The following C5orf34 variants were observed in gnomAD, a reference collection of about 807,000 sequenced individuals.
The protein encoded by C5orf34 is uncharacterized protein C5orf34.
A neutral mutation model predicts 78.4 loss-of-function variants in C5orf34; 73 were observed. The ratio of observed to expected loss-of-function variants is 0.93; its 90% CI spans 0.77 to 1.13. The LOEUF (loss-of-function observed/expected upper bound fraction) is 1.13, where lower values mean the gene tolerates loss of function less well. Ranked by LOEUF, C5orf34 falls within the 50% of genes most tolerant of loss-of-function variation. The probability of loss-of-function intolerance (pLI) is 0.00; values close to 1 mark genes in which losing one functional copy is unlikely to be tolerated. For missense variants in C5orf34, 730 were observed against 732.7 expected (o/e 1.00, Z 0.04); for synonymous variants, 251 against 246.6 (o/e 1.02, Z -0.17).
Position 43,486,873 on chromosome 5 carries a change from A to G in C5orf34, c.*42T>C. The G allele has an allele frequency of 7.9e-7, 1 of 1,270,842 alleles. No individual in the cohort carries two copies. The highest frequency in any genetic ancestry group is 1.9e-5 in the South Asian group (1 of 52,572). The allele number at this position is 1,270,842 out of a possible 1,614,324, so 78.7% of individuals were successfully genotyped here. A position where few individuals can be genotyped will look rare whatever the true frequency, so the allele number is the denominator to read the frequency against. ...AATTTTATACCAGTCACTTGAAACAACATCCTTAAACTTTAATAATATGTT... is the reference window on the plus strand; with the variant it reads ...AATTTTATACCAGTCACTTGAAACAGCATCCTTAAACTTTAATAATATGTT... On this transcript the variant is annotated 3_prime_UTR_variant, in exon 13 of 13. Coordinates refer to ENST00000306862, the MANE Select transcript of C5orf34 (RefSeq NM_198566.4).
In C5orf34 at chr5:43,490,687, C is replaced by CA. The variant is rs1745246592; in HGVS notation, c.1622_1623insT (p.Gln541HisfsTer3). On this transcript the variant is annotated frameshift_variant, in exon 11 of 13. Transcript: ENST00000306862. LOFTEE classifies it high-confidence loss of function. ...GAGTGGGCATCTCTCTGGGACTAGT[C>CA]TGGGTCAGTCTCCTGCACCATGATG... is the stretch of plus-strand genomic sequence containing the variant. 4.3e-6 allele frequency: 7 copies of CA among 1,610,874 alleles called. No individual in the cohort carries two copies. The highest frequency in any genetic ancestry group is 5.9e-6 in the Non-Finnish European group (7 of 1,177,518).
intron 6 of C5orf34, 150 bp from the exon 7 acceptor site, chr5:43,494,751 G>T (rs1745426609): frequency 3.9e-6 from 2 of 511,396 alleles, no homozygotes; most frequent in African/African-American, 3.9e-5. Context: ...GGTATTTTAT[G>T]ATGCTTTTTC....
intron 4 of C5orf34, among the ~76,000 whole-genome samples, chr5:43,504,544 G>T (rs1390377380): frequency 6.6e-6 from 1 of 152,174 alleles, no homozygotes. Flanking sequence ...ACCTGGAAAT[G>T]AGCATAATTT....
In C5orf34 at chr5:43,505,004, A is replaced by G. The variant is rs533346689; in HGVS notation, c.932+744T>C. ...TTTCCTCAAGTTATTTAACATTTCT[A>G]TGTCGCAAGTTCCTCTACATATAGG... On this transcript the variant is annotated intron_variant, in intron 4 of 12. Coordinates refer to ENST00000306862, the MANE Select transcript of C5orf34 (RefSeq NM_198566.4). Among the ~76,000 whole-genome samples the G allele has an allele frequency of 2.6e-5, 4 of 152,274 alleles. No individual in the cohort carries two copies. In the East Asian group the frequency reaches 7.7e-4, roughly 29 times the overall value.
At chr5:43,491,184 A>T (rs1033307071) in intron 10 of C5orf34, among the ~76,000 whole-genome samples, 3 of 152,232 alleles carry the variant, frequency 2.0e-5, no homozygotes, top group Non-Finnish European at 2.9e-5. Flanking sequence ...GTGTAATTAT[A>T]TGTAACTTAC....
intron 1 of C5orf34, among the ~76,000 whole-genome samples, chr5:43,511,646 A>G (rs1746265821): frequency 6.6e-6 from 1 of 152,262 alleles, no homozygotes; most frequent in Admixed American, 6.5e-5. Flanking sequence ...CCGTGTAGAA[A>G]GAAGTAGACA....
chr5:43,496,668 C>G lies in C5orf34; in HGVS notation c.1153-2067G>C, dbSNP rs370781397. 3.7e-4 allele frequency among the ~76,000 whole-genome samples: 55 copies of G among 146,886 alleles called. 1 individual carries two copies. In the East Asian group the frequency reaches 7.2e-3, roughly 19 times the overall value. On this transcript the variant is annotated intron_variant, in intron 6 of 12. Transcript: ENST00000306862. ...ACAGTGGCGCAATTACAGCTCACTG[C>G]AGCCTCTGTGGCTCAAGGAGTCTTC...
chr5:43,510,897 C>T (rs1337205255), intron 1 of C5orf34, among the ~76,000 whole-genome samples: 6 of 152,120 alleles, frequency 3.9e-5, no homozygotes, highest in Admixed American at 1.3e-4. Flanking sequence ...TCTGCCTGGC[C>T]GCCCATCATC....
intron 1 of C5orf34, chr5:43,511,013 C>T (rs370158623): frequency 0.39 from 74,311 of 189,520 alleles, 11,842 homozygotes; most frequent in African/African-American, 0.53. Flanking sequence ...TCTGCCCGGC[C>T]GCCCATCGTC....
At position 43,505,832 on chromosome 5, in the gene C5orf34, G is replaced by A. The variant is rs949304933; in HGVS notation, c.848C>T (p.Ser283Phe). The change falls in exon 4 of 13, where the codon TCT (serine) becomes TTT (phenylalanine). Residue 283 changes from serine to phenylalanine, a missense_variant. Ser to Phe is a radical substitution (Grantham distance 155). Coordinates refer to ENST00000306862, the MANE Select transcript of C5orf34 (RefSeq NM_198566.4). ...AHITQSRFLT[S>F]DISEERGKVV... is the part of the protein sequence containing the mutation. ...TTTTCCTCTTTCCTCTGAAATATCA[G>A]AAGTTAAAAATCTACTCTGAGTTAT... The A allele has an allele frequency of 3.7e-6, 6 of 1,613,038 alleles. No homozygotes were observed. The Admixed American group carries it at 6.7e-5, about 18-fold the overall frequency.
rs371230836 is a variant in C5orf34 at position 43,505,444 on chromosome 5, G to A, written c.932+304C>T. 6.5e-5 allele frequency: 18 copies of A among 278,532 alleles called. No individual in the cohort carries two copies. In the East Asian group the frequency reaches 1.1e-3, roughly 17 times the overall value. 17.3% of individuals were successfully genotyped at this position (278,532 alleles called of 1,614,324 possible). A position where few individuals can be genotyped will look rare whatever the true frequency, so the allele number is the denominator to read the frequency against. On this transcript the variant is annotated intron_variant, in intron 4 of 12. Transcript: ENST00000306862. ...TTAGCATACTTTAATAATCTTTTTAGGTACAGTGACCTTCACTAGATTCTA... is the reference window on the plus strand; with the variant it reads ...TTAGCATACTTTAATAATCTTTTTAAGTACAGTGACCTTCACTAGATTCTA...
At chr5:43,489,111 T>A (rs1008160721) in intron 11 of C5orf34, among the ~76,000 whole-genome samples, 4 of 152,100 alleles carry the variant, frequency 2.6e-5, no homozygotes, top group Non-Finnish European at 5.9e-5. Context: ...TTTTTTTTTT[T>A]AAACCCAACG....
intron 2 of C5orf34, 23 bp from the exon 3 acceptor site, chr5:43,508,689 TA>T: frequency 7.6e-7 from 1 of 1,322,286 alleles, no homozygotes; most frequent in Non-Finnish European, 1.1e-6. Context: ...ATATAAAATG[TA>T]ACCTTAATGT....
chr5:43,506,466 T>C, intron 3 of C5orf34, 72 bp from the exon 4 acceptor site: 1 of 1,419,190 alleles, frequency 7.0e-7, no homozygotes, highest in Non-Finnish European at 9.4e-7. Flanking sequence ...TATTTGATAT[T>C]TAAGTATTGT....
Position 43,513,408 on chromosome 5 carries a change from C to A in C5orf34, c.-37+1398G>T, listed in dbSNP as rs146884585. On this transcript the variant is annotated intron_variant, in intron 1 of 12. Transcript: ENST00000306862. ...GTAATACCCCCTAATTGCACTTTCA[C>A]TCTCATCTCTTCCCTCAAATCCAGT... Among the ~76,000 whole-genome samples the A allele has an allele frequency of 1.8e-3, 277 of 152,238 alleles. 3 individuals carry two copies. Among genetic ancestry groups the A allele is most frequent in the Middle Eastern group, 0.017 (5 of 294 alleles).
In C5orf34 at chr5:43,486,845, A is replaced by AG. The variant is rs1272658181; in HGVS notation, c.*69dup. 13 of 874,096 alleles carry AG rather than the reference A, an allele frequency of 1.5e-5. No homozygotes were observed. In the East Asian group the frequency reaches 3.7e-4, roughly 25 times the overall value. 54.1% of individuals were successfully genotyped at this position (874,096 alleles called of 1,614,324 possible). A position where few individuals can be genotyped will look rare whatever the true frequency, so the allele number is the denominator to read the frequency against. ...AATACGTACAATATCTTGGCTTACT[A>AG]GTAATTTTATACCAGTCACTTGAAA... On this transcript the variant is annotated 3_prime_UTR_variant, in exon 13 of 13. Coordinates refer to ENST00000306862, the MANE Select transcript of C5orf34 (RefSeq NM_198566.4).
chr5:43,513,562 C>A (rs1342682978), intron 1 of C5orf34, among the ~76,000 whole-genome samples: 3 of 152,238 alleles, frequency 2.0e-5, no homozygotes, highest in African/African-American at 7.2e-5. Flanking sequence ...CCTACAAAGG[C>A]CACACAGTCT....
At chr5:43,506,522 G>T in intron 3 of C5orf34, 128 bp from the exon 4 acceptor site, 1 of 880,844 alleles carries the variant, frequency 1.1e-6, no homozygotes. Flanking sequence ...TACAGAGAAT[G>T]AAAAAATGGA....
At position 43,487,894 on chromosome 5, in the gene C5orf34, C is replaced by T; in HGVS notation, c.1720+15G>A. The T allele has an allele frequency of 6.3e-7, 1 of 1,588,980 alleles. No homozygotes were observed. Among genetic ancestry groups the T allele is most frequent in the South Asian group, 1.1e-5 (1 of 89,468 alleles). On this transcript the variant is annotated intron_variant, in intron 12 of 12. Transcript: ENST00000306862. ...GAGTAATTATGTAGGACAGTGCATT[C>T]TGTTTAAAGGATACAGTTAAACTTC...
Sources: allele counts gnomAD v4.1 joint callset (sites outside exome capture counted in the v4.1 genomes callset), GRCh38; gene constraint gnomAD v4.1.1; transcripts MANE v1.5; gene names NCBI Gene and HGNC (gene_info 2026-07-23, HGNC 2026-07-21).